Variants in TRPM8 observed in about 807,000 individuals in gnomAD.
TRPM8 encodes transient receptor potential cation channel subfamily M member 8, also known as TRPM8 cationic channel.
In TRPM8, 110 loss-of-function variants were observed where a neutral mutation model predicts 133.7. The observed-to-expected ratio is 0.82, with a 90% CI of 0.70 to 0.96. TRPM8 has a LOEUF of 0.96. Ranked by LOEUF, TRPM8 falls within the 40% of genes least tolerant of loss-of-function variation. TRPM8 has a pLI of 0.00. For synonymous variants in TRPM8, 535 were observed against 532.3 expected (o/e 1.01, Z -0.07); for missense variants, 1,291 against 1,379.5 (o/e 0.94, Z 1.02).
intron 24 of TRPM8, among the ~76,000 whole-genome samples, chr2:234,009,838 A>G (rs150249062): frequency 1.5e-4 from 23 of 152,280 alleles, no homozygotes; most frequent in Non-Finnish European, 2.8e-4. Flanking sequence ...TATCATTGAC[A>G]TATAAAATTA....
At position 233,970,445 on chromosome 2, in the gene TRPM8, C is replaced by G. The variant is rs374678694; in HGVS notation, c.2355+19C>G. ...GAGACAGGTAGGGCTGCCATGACAG[C>G]AGGAACCCCCTCGCTTCCTCGGTGG... is the stretch of plus-strand genomic sequence containing the variant. On this transcript the variant is annotated intron_variant, in intron 17 of 25. Coordinates refer to ENST00000324695, the MANE Select transcript of TRPM8 (RefSeq NM_024080.5). 6.5e-5 allele frequency: 105 copies of G among 1,608,980 alleles called. No individual in the cohort carries two copies. The highest frequency in any genetic ancestry group is 8.8e-5 in the Non-Finnish European group (103 of 1,175,988).
chr2:233,970,957 G>A (rs1442688165), intron 17 of TRPM8, among the ~76,000 whole-genome samples: 2 of 152,156 alleles, frequency 1.3e-5, no homozygotes, highest in East Asian at 3.8e-4. Flanking sequence ...CTCTACCGTT[G>A]AACCCAGAAG....
intron 11 of TRPM8, among the ~76,000 whole-genome samples, chr2:233,960,193 T>C (rs539729059): frequency 2.0e-5 from 3 of 152,310 alleles, no homozygotes; most frequent in Admixed American, 1.3e-4. Context: ...AGAGCAGACA[T>C]TGGTTTGGTG....
rs200195834 is a variant in TRPM8, at chr2:233,964,720, C to T, written c.1842C>T (p.Ser614=). The change falls in exon 14 of 26, where the codon TCC becomes TCT. Residue 614 remains serine, a synonymous_variant. Coordinates refer to ENST00000324695, the MANE Select transcript of TRPM8 (RefSeq NM_024080.5). The part of the protein sequence containing the change: ...VKNDINAAGE[S]EELANEYETR... ...ACGACATCAATGCTGCTGGGGAGTC[C>T]GAGGAGCTGGCTAATGAGTACGAGA... is the stretch of plus-strand genomic sequence containing the variant. 1.6e-4 allele frequency: 251 copies of T among 1,612,636 alleles called. 1 individual carries two copies. Among genetic ancestry groups the T allele is most frequent in the Admixed American group, 1.2e-3 (74 of 59,972 alleles).
chr2:233,995,033 G>A (rs572863291), intron 21 of TRPM8, among the ~76,000 whole-genome samples: 1 of 152,248 alleles, frequency 6.6e-6, no homozygotes, highest in South Asian at 2.1e-4. Context: ...TTGAAATAGA[G>A]CATTGCTTAA....
chr2:233,955,909 T>TA (rs1691283805), intron 11 of TRPM8, among the ~76,000 whole-genome samples: 1 of 152,154 alleles, frequency 6.6e-6, no homozygotes, highest in Non-Finnish European at 1.5e-5. Context: ...ATTCGATTCC[T>TA]ATAGGAGCGT....
chr2:233,955,496 G>T, intron 11 of TRPM8: 1 of 299,702 alleles, frequency 3.3e-6, no homozygotes. Flanking sequence ...ACTCCACATT[G>T]CCTTCAGCTG....
Position 233,970,379 on chromosome 2 carries a change from G to A in TRPM8, c.2308G>A (p.Val770Ile). 6.2e-7 allele frequency: 1 copy of A among 1,614,026 alleles called. No individual in the cohort carries two copies. Among genetic ancestry groups the A allele is most frequent in the African/African-American group, 1.3e-5 (1 of 74,992 alleles). The change falls in exon 17 of 26, where the codon GTC (valine) becomes ATC (isoleucine). Residue 770 changes from valine to isoleucine, a missense_variant. Around this residue, in one of 2 missense-constraint regions of TRPM8, gnomAD observed 963 missense variants for 968.9 expected, o/e 0.99. Coordinates refer to ENST00000324695, the MANE Select transcript of TRPM8 (RefSeq NM_024080.5). ...TTCGGTGCCACACCCCCCCGAGCTG[G>A]TCCTGTACTCGCTGGTCTTTGTCCT... Reference protein sequence around the residue: ...FHSVPHPPELVLYSLVFVLFC... With the variant: ...FHSVPHPPELILYSLVFVLFC...
At chr2:233,939,197 G>A in intron 5 of TRPM8, 22 bp downstream of exon 5, 1 of 1,610,924 alleles carries the variant, frequency 6.2e-7, no homozygotes, top group Non-Finnish European at 8.5e-7. Flanking sequence ...AGCAGCGACC[G>A]CGGGTTCTTC....
chr2:233,980,305 A>G (rs1357129545), intron 18 of TRPM8, 26 bp downstream of exon 18: 2 of 1,518,190 alleles, frequency 1.3e-6, no homozygotes, highest in South Asian at 2.4e-5. Context: ...ACTTTTCCTA[A>G]TTTTCTGTGT....
intron 22 of TRPM8, among the ~76,000 whole-genome samples, chr2:234,002,583 T>C (rs1692596326): frequency 6.6e-6 from 1 of 152,162 alleles, no homozygotes; most frequent in African/African-American, 2.4e-5. Context: ...GCTTCTCAGA[T>C]CCTGATGCTC....
intron 22 of TRPM8, among the ~76,000 whole-genome samples, chr2:234,002,610 G>A (rs1692596814): frequency 6.6e-6 from 1 of 152,178 alleles, no homozygotes; most frequent in Non-Finnish European, 1.5e-5. Context: ...GTGATTTGGG[G>A]AATATGTTGG....
At chr2:233,979,103 T>C (rs2125269827) in intron 17 of TRPM8, among the ~76,000 whole-genome samples, 1 of 152,274 alleles carries the variant, frequency 6.6e-6, no homozygotes, top group African/African-American at 2.4e-5. Context: ...GTAGGAAATA[T>C]AATATCTAAA....
chr2:233,950,916 C>T (rs1278928411), intron 9 of TRPM8, among the ~76,000 whole-genome samples: 1 of 152,158 alleles, frequency 6.6e-6, no homozygotes, highest in Non-Finnish European at 1.5e-5. Context: ...AACATATAAA[C>T]AGGGCTGGGT....
chr2:233,935,000 C>T (rs1691761085), intron 3 of TRPM8, among the ~76,000 whole-genome samples: 1 of 152,246 alleles, frequency 6.6e-6, no homozygotes, highest in South Asian at 2.1e-4. Flanking sequence ...ATCTTGAAAA[C>T]ACAGCCTTTC....
At chr2:233,923,442 C>G (rs1691450423) in intron 1 of TRPM8, among the ~76,000 whole-genome samples, 2 of 152,144 alleles carry the variant, frequency 1.3e-5, no homozygotes. Context: ...GCAGCTGTAC[C>G]AAGGTTTTCC....
At chr2:233,938,522 T>A (rs543617891) in intron 4 of TRPM8, among the ~76,000 whole-genome samples, 390 of 152,308 alleles carry the variant, frequency 2.6e-3, no homozygotes, top group Non-Finnish European at 4.4e-3. Context: ...CATGAGACAT[T>A]AATCAACATA....
rs201629318 is a variant in TRPM8 at position 234,018,300 on chromosome 2, C to A, written c.*1044C>A. The A allele has an allele frequency of 1.2e-4, 18 of 151,972 alleles. No individual in the cohort carries two copies. Among genetic ancestry groups the A allele is most frequent in the Admixed American group, 2.0e-4 (3 of 15,260 alleles). 9.4% of individuals were successfully genotyped at this position (151,972 alleles called of 1,614,324 possible). A position where few individuals can be genotyped will look rare whatever the true frequency, so the allele number is the denominator to read the frequency against. On this transcript the variant is annotated 3_prime_UTR_variant, in exon 26 of 26. Coordinates refer to ENST00000324695, the MANE Select transcript of TRPM8 (RefSeq NM_024080.5). ...CATAATAGGCAACCTCTAGCGATTA[C>A]CATAATTTTGCTCATTGAAGGCTAT...
At chr2:234,014,903 A>G (rs1002253643) in intron 25 of TRPM8, among the ~76,000 whole-genome samples, 8 of 152,310 alleles carry the variant, frequency 5.3e-5, no homozygotes, top group Non-Finnish European at 1.2e-4. Flanking sequence ...GGGTGTAAGT[A>G]TCTTGTCCTG....
Sources: gnomAD v4.1 joint callset for allele counts (sites outside exome capture counted in the v4.1 genomes callset) on GRCh38, gnomAD v4.1.1 for gene constraint, gnomAD v4.1.1 regional missense constraint, MANE v1.5 for transcripts, NCBI Gene and HGNC (gene_info 2026-07-23, HGNC 2026-07-21) for gene names.